Variants in CDH6 observed in about 807,000 individuals in gnomAD.
The protein encoded by CDH6 is cadherin 6.
In CDH6, 31 loss-of-function variants were observed where a neutral mutation model predicts 78.0. That is an observed-to-expected ratio of 0.40 (90% CI 0.30 to 0.54). CDH6 has a LOEUF of 0.54. CDH6 is among the 20% of genes least tolerant of loss of function. The pLI, the probability that CDH6 is intolerant of heterozygous loss-of-function variation, is 0.56. For synonymous variants in CDH6, 376 were observed against 368.8 expected, an observed-to-expected ratio of 1.02 and a Z score of -0.23; for missense variants, 724 against 975.9, an observed-to-expected ratio of 0.74 and a Z score of 3.44.
chr5:31,290,824 A>T (rs532700558), intron 2 of CDH6, among the ~76,000 whole-genome samples: 1 of 152,280 alleles, frequency 6.6e-6, no homozygotes, highest in Admixed American at 6.5e-5. Flanking sequence ...AAATTGCTTT[A>T]CTATCAGACG....
chr5:31,201,320 GGTTTT>G (rs1415243527), intron 1 of CDH6, among the ~76,000 whole-genome samples: 1 of 151,968 alleles, frequency 6.6e-6, no homozygotes, highest in African/African-American at 2.4e-5. Flanking sequence ...TAAGGTTTGG[GGTTTT>G]GTTTTATTTG....
At position 31,317,386 on chromosome 5, in the gene CDH6, C is replaced by T. The variant is rs774112075; in HGVS notation, c.1524C>T (p.Thr508=). Residue 508 remains threonine, a synonymous_variant, in exon 10 of 12, where the codon ACC becomes ACT. Coordinates refer to ENST00000265071, the MANE Select transcript of CDH6 (RefSeq NM_004932.4). ...GGTTTTTCTCTTAGTTGATTCAGAC[C>T]CTGCATGCTGTTGACAAGGATGACC... is the stretch of plus-strand genomic sequence containing the variant. The part of the protein sequence containing the change: ...EKAKADQLIQ[T]LHAVDKDDPY... 1.3e-6 allele frequency: 2 copies of T among 1,565,728 alleles called. No homozygotes were observed. The highest frequency in any genetic ancestry group is 1.1e-5 in the South Asian group (1 of 87,468).
chr5:31,218,024 A>T, intron 1 of CDH6, among the ~76,000 whole-genome samples: 1 of 152,194 alleles, frequency 6.6e-6, no homozygotes, highest in East Asian at 1.9e-4. Context: ...TTTTATTGTC[A>T]TTAAAGTCTA....
Position 31,229,077 on chromosome 5 carries a change from C to T in CDH6, c.-129+35191C>T, listed in dbSNP as rs1336394844. Among the ~76,000 whole-genome samples the T allele has an allele frequency of 3.9e-5, 6 of 152,212 alleles. No homozygotes were observed. The East Asian group carries it at 1.2e-3, about 29-fold the overall frequency. ...TCTAATTACCCGTCATACTAACTAG[C>T]ACTTGCGTGCCATTTCCAAGGGTAC... is the stretch of plus-strand genomic sequence containing the variant. On this transcript the variant is annotated intron_variant, in intron 1 of 11. Coordinates refer to ENST00000265071, the MANE Select transcript of CDH6 (RefSeq NM_004932.4).
intron 1 of CDH6, among the ~76,000 whole-genome samples, chr5:31,235,230 C>CTTTTTT (rs1228977478): frequency 4.3e-5 from 2 of 45,988 alleles, no homozygotes; most frequent in South Asian, 1.1e-3. Context: ...TTTTCTATTC[C>CTTTTTT]TTTTTCTTTT....
At chr5:31,307,948 C>A (rs1198099484) in intron 7 of CDH6, among the ~76,000 whole-genome samples, 1 of 151,990 alleles carries the variant, frequency 6.6e-6, no homozygotes, top group African/African-American at 2.4e-5. Context: ...TTGCTGCCAG[C>A]CTTTCCTTGG....
chr5:31,321,248 C>T (rs563258978), intron 11 of CDH6, among the ~76,000 whole-genome samples: 1 of 132,330 alleles, frequency 7.6e-6, no homozygotes, highest in African/African-American at 2.8e-5. Context: ...GAATAAATAC[C>T]CTGAATGGTT....
At chr5:31,276,926 G>A (rs769496164) in intron 2 of CDH6, among the ~76,000 whole-genome samples, 21 of 152,178 alleles carry the variant, frequency 1.4e-4, no homozygotes, top group African/African-American at 4.3e-4. Flanking sequence ...CAAGATCCAC[G>A]TAAGGAGGGA....
chr5:31,265,286 A>C (rs1008511529), intron 1 of CDH6, among the ~76,000 whole-genome samples: 1 of 152,210 alleles, frequency 6.6e-6, no homozygotes, highest in Non-Finnish European at 1.5e-5. Flanking sequence ...ATCGTCAGTC[A>C]TTCCACCCCT....
Position 31,328,032 on chromosome 5 carries a change from C to A in CDH6, c.*4724C>A. On this transcript the variant is annotated 3_prime_UTR_variant, in exon 12 of 12. Transcript: ENST00000265071. Reference sequence around the variant, plus strand: ...GGGGGAAACGTTAGCCCAACAGAGCCGGCAGATGAAAGTGTTGAAAAGAGG... The same window carrying A: ...GGGGGAAACGTTAGCCCAACAGAGCAGGCAGATGAAAGTGTTGAAAAGAGG... The A allele has an allele frequency of 4.6e-6, 1 of 217,722 alleles. No homozygotes were observed. Among genetic ancestry groups the A allele is most frequent in the Non-Finnish European group, 9.2e-6 (1 of 108,304 alleles). The allele number at this position is 217,722 out of a possible 1,614,324, so 13.5% of individuals were successfully genotyped here. A position where few individuals can be genotyped will look rare whatever the true frequency, so the allele number is the denominator to read the frequency against.
chr5:31,210,436 G>A (rs982859645), intron 1 of CDH6, among the ~76,000 whole-genome samples: 2 of 152,048 alleles, frequency 1.3e-5, no homozygotes, highest in Non-Finnish European at 1.5e-5. Flanking sequence ...CCTGGAAGGC[G>A]GAGGTTGCAG....
rs369997853 is a variant in CDH6 at position 31,222,876 on chromosome 5, A to G, written c.-129+28990A>G. Among the ~76,000 whole-genome samples the G allele has an allele frequency of 7.9e-5, 12 of 152,280 alleles. No individual in the cohort carries two copies. In the South Asian group the frequency reaches 1.2e-3, roughly 16 times the overall value. ...CATTATTTTGTGCATTATCCTAATC[A>G]ATACCATGATCCTTAGATATTTGAG... is the stretch of plus-strand genomic sequence containing the variant. On this transcript the variant is annotated intron_variant, in intron 1 of 11. Coordinates refer to ENST00000265071, the MANE Select transcript of CDH6 (RefSeq NM_004932.4).
chr5:31,296,267 G>A (rs562451787), intron 3 of CDH6, among the ~76,000 whole-genome samples: 12 of 152,206 alleles, frequency 7.9e-5, no homozygotes, highest in Admixed American at 4.6e-4. Context: ...ATCTTAATCC[G>A]AGACTCTTAT....
intron 7 of CDH6, among the ~76,000 whole-genome samples, chr5:31,307,686 G>A (rs1738025179): frequency 6.6e-6 from 1 of 152,206 alleles, no homozygotes; most frequent in South Asian, 2.1e-4. Flanking sequence ...ATCTTAGCAA[G>A]TAAGTATCAA....
In CDH6 at chr5:31,296,403, T is replaced by G. The variant is rs544970549; in HGVS notation, c.524-886T>G. Among the ~76,000 whole-genome samples, 4 of 152,268 alleles carry G rather than the reference T, an allele frequency of 2.6e-5. No individual in the cohort carries two copies. In the South Asian group the frequency reaches 8.3e-4, roughly 32 times the overall value. On this transcript the variant is annotated intron_variant, in intron 3 of 11. Coordinates refer to ENST00000265071, the MANE Select transcript of CDH6 (RefSeq NM_004932.4). ...GAATTTCAGGGGGTTAGGAATACTTTGAAGATTATTAGGCAACTGTGGGGT... is the reference window on the plus strand; with the variant it reads ...GAATTTCAGGGGGTTAGGAATACTTGGAAGATTATTAGGCAACTGTGGGGT...
intron 1 of CDH6, among the ~76,000 whole-genome samples, chr5:31,257,159 ATGTT>A (rs200009608): frequency 3.4e-4 from 51 of 152,104 alleles, no homozygotes; most frequent in Admixed American, 1.2e-3. Flanking sequence ...AAGTATTCGC[ATGTT>A]TGTTTGTTTG....
At chr5:31,286,804 A>G (rs887462473) in intron 2 of CDH6, among the ~76,000 whole-genome samples, 1 of 152,288 alleles carries the variant, frequency 6.6e-6, no homozygotes, top group Non-Finnish European at 1.5e-5. Flanking sequence ...CAATAGACCA[A>G]TGAGAAAAGG....
chr5:31,261,641 G>C (rs1742215088), intron 1 of CDH6, among the ~76,000 whole-genome samples: 1 of 152,124 alleles, frequency 6.6e-6, no homozygotes, highest in African/African-American at 2.4e-5. Flanking sequence ...CAAAGTTAAG[G>C]CTCCGCATAC....
At chr5:31,262,872 G>A (rs569260275) in intron 1 of CDH6, among the ~76,000 whole-genome samples, 14 of 152,158 alleles carry the variant, frequency 9.2e-5, no homozygotes, top group East Asian at 7.7e-4. Context: ...GAAATCAACC[G>A]TTTCCCACAG....
Sources: allele counts gnomAD v4.1 joint callset (sites outside exome capture counted in the v4.1 genomes callset), GRCh38; gene constraint gnomAD v4.1.1; transcripts MANE v1.5; gene names NCBI Gene and HGNC (gene_info 2026-07-23, HGNC 2026-07-21).